The following PPP6R3 variants were observed in gnomAD, a reference collection of about 807,000 sequenced individuals.
PPP6R3 encodes the protein serine/threonine-protein phosphatase 6 regulatory subunit 3.
A neutral mutation model predicts 110.7 loss-of-function variants in PPP6R3; 38 were observed. The ratio of observed to expected loss-of-function variants is 0.34; its 90% confidence interval spans 0.26 to 0.45. The LOEUF (loss-of-function observed/expected upper bound fraction) is 0.45, where lower values mean the gene tolerates loss of function less well. Among genes scored for constraint, PPP6R3 ranks in the 20% least tolerant of loss-of-function variants. The probability of loss-of-function intolerance (pLI) is 1.00; values close to 1 mark genes in which losing one functional copy is unlikely to be tolerated. For missense variants in PPP6R3, 870 were observed against 1,062.4 expected, an observed-to-expected ratio of 0.82 and a Z score of 2.52; for synonymous variants, 369 against 373.5, an observed-to-expected ratio of 0.99 and a Z score of 0.14.
rs59887883 is a variant in PPP6R3 at position 68,496,507 on chromosome 11, C to G, written c.-157-22994C>G. Among the ~76,000 whole-genome samples, 1,061 of 152,186 alleles carry G rather than the reference C, an allele frequency of 7.0e-3. 14 individuals are homozygous for G. The highest frequency in any genetic ancestry group is 0.025 in the African/African-American group (1,018 of 41,526). On this transcript the variant is annotated intron_variant, in intron 1 of 23. Coordinates refer to ENST00000393800, the MANE Select transcript of PPP6R3 (RefSeq NM_001164161.2). ...GTTTTTTTTTGGAGACAGTCTTACT[C>G]TGTCACCCAGGCTGGAGTGCAGTAG...
intron 1 of PPP6R3, among the ~76,000 whole-genome samples, chr11:68,491,488 C>T (rs1431138979): frequency 6.6e-6 from 1 of 151,874 alleles, no homozygotes; most frequent in African/African-American, 2.4e-5. Flanking sequence ...GGACTACAGT[C>T]AGACACCACT....
intron 1 of PPP6R3, among the ~76,000 whole-genome samples, chr11:68,511,099 G>A (rs538524253): frequency 2.0e-5 from 3 of 146,400 alleles, no homozygotes; most frequent in East Asian, 2.0e-4. Context: ...GCGGAGTCTC[G>A]CTCTGTCGCC....
chr11:68,598,960 C>T (rs985845128), intron 19 of PPP6R3, among the ~76,000 whole-genome samples: 4 of 152,158 alleles, frequency 2.6e-5, no homozygotes, highest in African/African-American at 4.8e-5. Context: ...TAATTAAATG[C>T]CTACTCTGTG....
chr11:68,600,121 C>CA (rs1248650856), intron 19 of PPP6R3, among the ~76,000 whole-genome samples: 4 of 151,758 alleles, frequency 2.6e-5, no homozygotes, highest in East Asian at 1.9e-4. Flanking sequence ...GACTCCATCT[C>CA]AAAAAAATAA....
chr11:68,469,995 T>G (rs2098778803), intron 1 of PPP6R3, among the ~76,000 whole-genome samples: 1 of 152,138 alleles, frequency 6.6e-6, no homozygotes, highest in South Asian at 2.1e-4. Context: ...AGTCACTTTG[T>G]TCTTTTTTTG....
At chr11:68,520,370 A>C (rs886750222) in intron 2 of PPP6R3, among the ~76,000 whole-genome samples, 1 of 152,078 alleles carries the variant, frequency 6.6e-6, no homozygotes, top group Admixed American at 6.5e-5. Context: ...ACCAGGGCCT[A>C]TTGGTTCTAC....
intron 14 of PPP6R3, among the ~76,000 whole-genome samples, chr11:68,579,511 A>G (rs918423943): frequency 6.6e-6 from 1 of 152,182 alleles, no homozygotes; most frequent in Non-Finnish European, 1.5e-5. Flanking sequence ...GTTTATATTC[A>G]GTGATTATTA....
chr11:68,488,200 G>T (rs1361664698), intron 1 of PPP6R3, among the ~76,000 whole-genome samples: 1 of 152,044 alleles, frequency 6.6e-6, no homozygotes, highest in Non-Finnish European at 1.5e-5. Context: ...TTTGATTAGA[G>T]TTAACATGAT....
intron 12 of PPP6R3, among the ~76,000 whole-genome samples, chr11:68,572,642 G>T (rs904973277): frequency 6.6e-6 from 1 of 152,092 alleles, no homozygotes; most frequent in African/African-American, 2.4e-5. Flanking sequence ...TTGAGGCCAG[G>T]GGTTCGAGAC....
intron 1 of PPP6R3, among the ~76,000 whole-genome samples, chr11:68,493,859 T>C (rs1395922568): frequency 2.0e-5 from 3 of 151,174 alleles, no homozygotes; most frequent in Admixed American, 2.0e-4. Flanking sequence ...TCTCAGCACT[T>C]TGGGAGGCTG....
At chr11:68,575,635 A>C (rs779687708) in intron 13 of PPP6R3, among the ~76,000 whole-genome samples, 11 of 152,206 alleles carry the variant, frequency 7.2e-5, no homozygotes, top group Admixed American at 3.9e-4. Flanking sequence ...CACACTTTCC[A>C]GGTTAAGCTT....
At chr11:68,597,856 C>T (rs1056779207) in intron 19 of PPP6R3, among the ~76,000 whole-genome samples, 1 of 151,652 alleles carries the variant, frequency 6.6e-6, no homozygotes, top group Non-Finnish European at 1.5e-5. Context: ...GGCATACACC[C>T]ATAGTCCCAG....
At chr11:68,495,700 T>C (rs2099011042) in intron 1 of PPP6R3, among the ~76,000 whole-genome samples, 1 of 152,246 alleles carries the variant, frequency 6.6e-6, no homozygotes, top group Admixed American at 6.5e-5. Flanking sequence ...ACTCATTATG[T>C]GGGGAATATT....
chr11:68,586,712 T>C (rs899546010), intron 15 of PPP6R3: 3 of 152,218 alleles, frequency 2.0e-5, no homozygotes, highest in Non-Finnish European at 4.4e-5. Context: ...AAGCCTAATA[T>C]AAGGTTTATT....
chr11:68,529,946 A>G (rs2099227600), intron 2 of PPP6R3, among the ~76,000 whole-genome samples: 1 of 152,240 alleles, frequency 6.6e-6, no homozygotes, highest in African/African-American at 2.4e-5. Context: ...TGTCTAGTAC[A>G]GCAACCACTG....
At chr11:68,524,253 A>T (rs888231580) in intron 2 of PPP6R3, among the ~76,000 whole-genome samples, 1 of 152,080 alleles carries the variant, frequency 6.6e-6, no homozygotes, top group Non-Finnish European at 1.5e-5. Context: ...TTCTTATTTC[A>T]TCCTTGGGTA....
intron 19 of PPP6R3, 29 bp downstream of exon 19, chr11:68,596,247 G>A (rs1044821719): frequency 5.0e-6 from 8 of 1,613,832 alleles, no homozygotes; most frequent in Non-Finnish European, 6.8e-6. Flanking sequence ...CAGATCAGCT[G>A]CCCTGTGTTG....
At chr11:68,469,483 C>G (rs11228250) in intron 1 of PPP6R3, among the ~76,000 whole-genome samples, 11,940 of 151,894 alleles carry the variant, frequency 0.079, 624 homozygotes, top group Non-Finnish European at 0.11. Context: ...AAACGATTCT[C>G]TCACCTCAGC....
chr11:68,578,531 A>G (rs961894803), intron 14 of PPP6R3, among the ~76,000 whole-genome samples: 1 of 152,210 alleles, frequency 6.6e-6, no homozygotes, highest in African/African-American at 2.4e-5. Flanking sequence ...ATATTCATAG[A>G]AGTGGAGTCA....
Sources: gnomAD v4.1 joint callset for allele counts (sites outside exome capture counted in the v4.1 genomes callset) on GRCh38, gnomAD v4.1.1 for gene constraint, MANE v1.5 for transcripts, NCBI Gene and HGNC (gene_info 2026-07-23, HGNC 2026-07-21) for gene names.